Variants in ZNF330 observed in about 807,000 individuals in gnomAD.
ZNF330 encodes zinc finger protein 330.
A neutral mutation model predicts 45.5 loss-of-function variants in ZNF330; 31 were observed. The observed-to-expected ratio is 0.68, with a 90% CI of 0.51 to 0.92. The LOEUF (loss-of-function observed/expected upper bound fraction) is 0.92, where lower values mean the gene tolerates loss of function less well. Among genes scored for constraint, ZNF330 ranks in the 40% least tolerant of loss-of-function variants. The probability of loss-of-function intolerance (pLI) is 0.00; values close to 1 mark genes in which losing one functional copy is unlikely to be tolerated. For missense variants in ZNF330, 356 were observed against 387.4 expected (o/e 0.92, Z 0.68); for synonymous variants, 138 against 123.2 (o/e 1.12, Z -0.79).
Position 141,229,660 on chromosome 4 carries a change from T to C in ZNF330, c.381T>C (p.Ala127=), listed in dbSNP as rs2111256155. The C allele has an allele frequency of 1.2e-6, 2 of 1,613,178 alleles. No individual in the cohort carries two copies. Among genetic ancestry groups the C allele is most frequent in the Non-Finnish European group, 1.7e-6 (2 of 1,179,306 alleles). ...THACACPLTD[A]ECVECERGVW... ...CTTGTGCCTGCCCTCTTACCGATGC[T>C]GAGTGTGTTGAATGTGAACGAGGCG... The change falls in exon 6 of 10, where the codon GCT becomes GCC. Residue 127 remains alanine (A), a synonymous_variant. Coordinates refer to ENST00000262990, the MANE Select transcript of ZNF330 (RefSeq NM_014487.6).
Position 141,226,815 on chromosome 4 carries a change from C to T in ZNF330, c.260C>T (p.Ala87Val), listed in dbSNP as rs748932441. The T allele has an allele frequency of 6.2e-7, 1 of 1,612,948 alleles. No homozygotes were observed. The highest frequency in any genetic ancestry group is 1.1e-5 in the South Asian group (1 of 91,008). The change falls in exon 5 of 10, where the codon GCT (alanine) becomes GTT (valine). Residue 87 changes from alanine (A) to valine (V), a missense_variant. Ala to Val is a moderately conservative substitution (Grantham distance 64). Coordinates refer to ENST00000262990, the MANE Select transcript of ZNF330 (RefSeq NM_014487.6). ...MKSSDCVIKHAGVYSTGLAMV... is the reference protein window; with the variant it reads ...MKSSDCVIKHVGVYSTGLAMV... ...TCTTCAGACTGTGTCATAAAGCATG[C>T]TGGTGTATACAGTACTGGCCTTGCA...
Position 141,224,474 on chromosome 4 carries a change from TTA to T in ZNF330, c.121-9_121-8del, listed in dbSNP as rs1233882187. ...CAGCAGAAAAATTAATGTGATATTTTTATATGTTACAGGAATGTGACAAGTGT... is the reference window on the plus strand; with the variant it reads ...CAGCAGAAAAATTAATGTGATATTTTTATGTTACAGGAATGTGACAAGTGT... On this transcript the variant is annotated splice_polypyrimidine_tract_variant and intron_variant, in intron 2 of 9. Transcript: ENST00000262990. 6.2e-6 allele frequency: 10 copies of T among 1,602,868 alleles called. No individual in the cohort carries two copies. Among genetic ancestry groups the T allele is most frequent in the Non-Finnish European group, 8.5e-6 (10 of 1,173,672 alleles).
intron 2 of ZNF330, 117 bp from the exon 3 acceptor site, chr4:141,224,370 C>A: frequency 1.1e-6 from 1 of 900,514 alleles, no homozygotes; most frequent in Non-Finnish European, 1.8e-6. Context: ...GGAGTTGGGG[C>A]TTTGGTGTAG....
chr4:141,231,234 G>A (rs933979384), intron 7 of ZNF330, among the ~76,000 whole-genome samples: 16 of 151,896 alleles, frequency 1.1e-4, no homozygotes, highest in Admixed American at 6.6e-4. Flanking sequence ...GCCTTTCGTC[G>A]CCTTTTGCAG....
intron 6 of ZNF330, among the ~76,000 whole-genome samples, chr4:141,229,956 G>T (rs1459540047): frequency 2.6e-5 from 4 of 152,038 alleles, no homozygotes; most frequent in Admixed American, 6.6e-5. Context: ...TGGGTAGCTA[G>T]TGGAGAGTAA....
chr4:141,232,148 G>A (rs550170834), intron 8 of ZNF330, among the ~76,000 whole-genome samples: 5 of 151,986 alleles, frequency 3.3e-5, no homozygotes, highest in Admixed American at 1.3e-4. Flanking sequence ...TGCACTTCCC[G>A]TTCAGTGCTT....
At chr4:141,233,419 A>G (rs545975391) in intron 9 of ZNF330, among the ~76,000 whole-genome samples, 1 of 152,272 alleles carries the variant, frequency 6.6e-6, no homozygotes, top group Admixed American at 6.5e-5. Context: ...GATTTATGTG[A>G]TTTGAAAATA....
At chr4:141,225,069 C>T (rs936373300) in intron 4 of ZNF330, among the ~76,000 whole-genome samples, 3 of 151,984 alleles carry the variant, frequency 2.0e-5, no homozygotes, top group African/African-American at 7.2e-5. Flanking sequence ...TGTGTTAGAC[C>T]ATTGGGAATA....
At chr4:141,224,552 TCTGA>T (rs756730296) in intron 3 of ZNF330, 46 bp downstream of exon 3, 2 of 1,607,962 alleles carry the variant, frequency 1.2e-6, no homozygotes, top group Non-Finnish European at 8.5e-7. Flanking sequence ...AAATTGTCCC[TCTGA>T]CTTTTTATCT....
At position 141,234,645 on chromosome 4, in the gene ZNF330, C is replaced by T. The variant is rs1276431308; in HGVS notation, c.*656C>T. ...ATCAGAAATAGTATTATTACAGAAG[C>T]TTTACCCAGGACATTTTATTTCTCT... On this transcript the variant is annotated 3_prime_UTR_variant, in exon 10 of 10. Transcript: ENST00000262990. The T allele has an allele frequency of 6.6e-6, 1 of 152,110 alleles. No individual in the cohort carries two copies. The highest frequency in any genetic ancestry group is 1.5e-5 in the Non-Finnish European group (1 of 68,008). The allele number at this position is 152,110 out of a possible 1,614,324, so 9.4% of individuals were successfully genotyped here.
In ZNF330 at chr4:141,222,452, C is replaced by CACTAT. The variant is rs1302390932; in HGVS notation, c.83_87dup (p.Asp30LeufsTer2). Reference sequence around the variant, plus strand: ...AAAAACAACTAAGAGCATCAAGAAGCACTATAGATTTAGCTAAACATCCAT... The same window carrying CACTAT: ...AAAAACAACTAAGAGCATCAAGAAGCACTATACTATAGATTTAGCTAAACATCCAT... On this transcript the variant is annotated frameshift_variant, in exon 2 of 10. Transcript: ENST00000262990. LOFTEE classifies it high-confidence loss of function. The CACTAT allele has an allele frequency of 6.2e-7, 1 of 1,613,490 alleles. No homozygotes were observed. Among genetic ancestry groups the CACTAT allele is most frequent in the Non-Finnish European group, 8.5e-7 (1 of 1,179,738 alleles).
At chr4:141,230,297 T>C (rs1209976279) in intron 7 of ZNF330, 27 bp downstream of exon 7, 2 of 1,411,060 alleles carry the variant, frequency 1.4e-6, no homozygotes, top group Non-Finnish European at 2.0e-6. Flanking sequence ...TAGATGTTCT[T>C]TATACCCAAG....
At chr4:141,225,243 C>T (rs1385634933) in intron 4 of ZNF330, among the ~76,000 whole-genome samples, 2 of 151,966 alleles carry the variant, frequency 1.3e-5, no homozygotes, top group East Asian at 3.9e-4. Context: ...ACTTGTACCC[C>T]AAAATGATTA....
rs1222838701 is a variant in ZNF330, at chr4:141,231,463, A to G, written c.548A>G (p.Gln183Arg). Residue 183 changes from glutamine to arginine, a missense_variant, in exon 8 of 10, where the codon CAG becomes CGG. Gln to Arg is a conservative substitution (Grantham distance 43, BLOSUM62 1). Coordinates refer to ENST00000262990, the MANE Select transcript of ZNF330 (RefSeq NM_014487.6). ...GGTGTTTCATGCAATCGGCTTGGTC[A>G]GCACTCATGTCTCCGTTGTAAGGTA... The part of the protein sequence containing the change: ...FKCVSCNRLG[Q>R]HSCLRCKACF... 2 of 1,603,932 alleles carry G rather than the reference A, an allele frequency of 1.2e-6. No homozygotes were observed. The highest frequency in any genetic ancestry group is 1.7e-5 in the Admixed American group (1 of 58,174).
At chr4:141,224,533 C>T (rs1232823926) in intron 3 of ZNF330, 27 bp downstream of exon 3, 1 of 1,604,422 alleles carries the variant, frequency 6.2e-7, no homozygotes, top group South Asian at 1.1e-5. Context: ...TTTCTATCTA[C>T]CTTTAATAAA....
rs184066373 is a variant in ZNF330, at chr4:141,229,897, G to A, written c.418+200G>A. 4.5e-4 allele frequency among the ~76,000 whole-genome samples: 68 copies of A among 152,160 alleles called. 1 individual carries two copies. The East Asian group carries it at 0.011, about 24-fold the overall frequency. On this transcript the variant is annotated intron_variant, in intron 6 of 9. Transcript: ENST00000262990. The stretch of plus-strand genomic sequence containing the variant: ...TAGTATTGTTTACCCAAACATGGAG[G>A]GAAGTTGTGGTGGAGCAGGTAGTCT...
At chr4:141,233,092 A>G (rs13136834) in intron 9 of ZNF330, among the ~76,000 whole-genome samples, 32,101 of 151,976 alleles carry the variant, frequency 0.21, 3,616 homozygotes, top group South Asian at 0.32. Flanking sequence ...AAATTATTTT[A>G]TGGTTTTTAT....
chr4:141,230,711 T>G (rs187077192), intron 7 of ZNF330, among the ~76,000 whole-genome samples: 2 of 152,288 alleles, frequency 1.3e-5, no homozygotes, highest in East Asian at 3.9e-4. Flanking sequence ...CTGTGGAGGT[T>G]TTAAAAATAA....
chr4:141,220,966 A>C lies in ZNF330; in HGVS notation c.-149A>C, dbSNP rs374025579. On this transcript the variant is annotated 5_prime_UTR_variant, in exon 1 of 10. Coordinates refer to ENST00000262990, the MANE Select transcript of ZNF330 (RefSeq NM_014487.6). ...GCTGTCAGCCTCCCTGGCTGTTAGT[A>C]CCTTCTTTCCCGGAGTCCTGGTCCA... is the stretch of plus-strand genomic sequence containing the variant. 1 of 152,322 alleles carries C rather than the reference A, an allele frequency of 6.6e-6. No homozygotes were observed. The highest frequency in any genetic ancestry group is 2.4e-5 in the African/African-American group (1 of 41,554). 9.4% of individuals were successfully genotyped at this position (152,322 alleles called of 1,614,324 possible).
Sources: gnomAD v4.1 joint callset for allele counts (sites outside exome capture counted in the v4.1 genomes callset) on GRCh38, gnomAD v4.1.1 for gene constraint, MANE v1.5 for transcripts, NCBI Gene and HGNC (gene_info 2026-07-23, HGNC 2026-07-21) for gene names.